The following ATP8A2 variants were observed in gnomAD, a reference collection of about 807,000 sequenced individuals.
ATP8A2 encodes the protein phospholipid-transporting ATPase IB.
A neutral mutation model predicts 165.6 loss-of-function variants in ATP8A2; 100 were observed. The observed-to-expected ratio is 0.60, with a 90% CI of 0.51 to 0.71. ATP8A2 has a LOEUF of 0.71. Among genes scored for constraint, ATP8A2 ranks in the 30% least tolerant of loss-of-function variants. ATP8A2 has a pLI of 0.00. For synonymous variants in ATP8A2, 543 were observed against 548.8 expected, an observed-to-expected ratio of 0.99 and a Z score of 0.15; for missense variants, 1,227 against 1,479.5, an observed-to-expected ratio of 0.83 and a Z score of 2.80.
intron 35 of ATP8A2, among the ~76,000 whole-genome samples, chr13:25,997,611 T>C (rs1385833014): frequency 6.6e-6 from 1 of 152,132 alleles, no homozygotes; most frequent in East Asian, 1.9e-4. Context: ...GCTCTGTTAA[T>C]TTTTATAGTC....
chr13:25,872,658 G>T (rs537659504), intron 33 of ATP8A2, among the ~76,000 whole-genome samples: 1 of 152,132 alleles, frequency 6.6e-6, no homozygotes, highest in Admixed American at 6.5e-5. Context: ...TCTAAGCGAG[G>T]CCTCTTTCTC....
intron 24 of ATP8A2, among the ~76,000 whole-genome samples, chr13:25,601,010 A>G (rs1370989141): frequency 2.0e-5 from 3 of 152,196 alleles, no homozygotes; most frequent in Non-Finnish European, 2.9e-5. Context: ...TTGCAGTGAC[A>G]GGTAGAGTGA....
chr13:25,381,786 G>T (rs2032846714), intron 1 of ATP8A2, among the ~76,000 whole-genome samples: 2 of 152,082 alleles, frequency 1.3e-5, no homozygotes, highest in Admixed American at 1.3e-4. Context: ...AGAGCCCCAG[G>T]GTAGGAGAGC....
intron 28 of ATP8A2, among the ~76,000 whole-genome samples, chr13:25,836,603 C>T (rs1951615727): frequency 6.6e-6 from 1 of 152,162 alleles, no homozygotes. Context: ...CACTGCCCTC[C>T]TCCACTTCTG....
chr13:25,558,493 T>C (rs1482981300), intron 13 of ATP8A2, among the ~76,000 whole-genome samples: 1 of 152,160 alleles, frequency 6.6e-6, no homozygotes, highest in Non-Finnish European at 1.5e-5. Flanking sequence ...ATGTAATCAG[T>C]CCCTCTTCTA....
intron 27 of ATP8A2, among the ~76,000 whole-genome samples, chr13:25,805,795 A>G (rs896288503): frequency 4.6e-5 from 7 of 152,220 alleles, no homozygotes; most frequent in Admixed American, 1.3e-4. Flanking sequence ...CTATAGATCA[A>G]TGTAAGAACT....
At chr13:25,796,626 A>G (rs952904180) in intron 27 of ATP8A2, among the ~76,000 whole-genome samples, 1 of 152,232 alleles carries the variant, frequency 6.6e-6, no homozygotes, top group Admixed American at 6.5e-5. Context: ...CTTCAGCACT[A>G]GCCCAGAGGG....
intron 1 of ATP8A2, among the ~76,000 whole-genome samples, chr13:25,432,818 G>A (rs1465624400): frequency 2.0e-5 from 3 of 152,150 alleles, no homozygotes; most frequent in Non-Finnish European, 4.4e-5. Context: ...CTTTCATGGA[G>A]CCTGGCTGTT....
At chr13:25,867,345 G>A (rs985503722) in intron 33 of ATP8A2, among the ~76,000 whole-genome samples, 41 of 152,264 alleles carry the variant, frequency 2.7e-4, no homozygotes, top group African/African-American at 9.1e-4. Flanking sequence ...TATGTTCCAT[G>A]TGAAATTTGC....
chr13:25,899,021 C>G (rs1034528542), intron 33 of ATP8A2, among the ~76,000 whole-genome samples: 4 of 152,228 alleles, frequency 2.6e-5, no homozygotes, highest in Non-Finnish European at 5.9e-5. Context: ...ACGCATGGTG[C>G]CCTGCACCCA....
At chr13:25,410,044 G>T (rs1439383948) in intron 1 of ATP8A2, among the ~76,000 whole-genome samples, 1 of 150,300 alleles carries the variant, frequency 6.7e-6, no homozygotes, top group East Asian at 2.0e-4. Flanking sequence ...AATGGGTTCA[G>T]CCATTAGGAG....
Position 25,689,419 on chromosome 13 carries a change from G to A in ATP8A2, c.2212-9754G>A, listed in dbSNP as rs538996546. The stretch of plus-strand genomic sequence containing the variant: ...CTTAATGACATAGTTCATTAAAAAC[G>A]CTCTTTGTAAACTTAAGTTGTCTAG... On this transcript the variant is annotated intron_variant, in intron 24 of 36. Transcript: ENST00000381655. Among the ~76,000 whole-genome samples, 4 of 152,090 alleles carry A rather than the reference G, an allele frequency of 2.6e-5. No individual in the cohort carries two copies. In the South Asian group the frequency reaches 8.3e-4, roughly 32 times the overall value.
chr13:26,003,994 T>C (rs1352149161), intron 35 of ATP8A2, among the ~76,000 whole-genome samples: 1 of 152,156 alleles, frequency 6.6e-6, no homozygotes, highest in Non-Finnish European at 1.5e-5. Flanking sequence ...TTGTTTTGGC[T>C]ATTGAGGGTC....
chr13:25,441,129 G>T (rs779559660), intron 1 of ATP8A2, among the ~76,000 whole-genome samples: 1 of 152,066 alleles, frequency 6.6e-6, no homozygotes, highest in Non-Finnish European at 1.5e-5. Context: ...TTGTTTTCAG[G>T]CTATTTATTT....
intron 25 of ATP8A2, among the ~76,000 whole-genome samples, chr13:25,768,766 C>T (rs2044550593): frequency 1.3e-5 from 2 of 152,158 alleles, no homozygotes; most frequent in Admixed American, 1.3e-4. Flanking sequence ...ACACGTACCC[C>T]CGAGGAGTTT....
At chr13:25,786,212 T>C (rs542184256) in intron 27 of ATP8A2, among the ~76,000 whole-genome samples, 2 of 152,284 alleles carry the variant, frequency 1.3e-5, no homozygotes, top group South Asian at 4.1e-4. Flanking sequence ...GTAAATAATC[T>C]CCATTGCGTT....
At chr13:25,630,082 C>CG (rs1462702782) in intron 24 of ATP8A2, among the ~76,000 whole-genome samples, 1 of 122,130 alleles carries the variant, frequency 8.2e-6, no homozygotes, top group African/African-American at 3.2e-5. Flanking sequence ...TTTTTGTCCC[C>CG]CCCCCACCAC....
At chr13:25,829,557 T>C (rs533733108) in intron 28 of ATP8A2, among the ~76,000 whole-genome samples, 48 of 150,280 alleles carry the variant, frequency 3.2e-4, no homozygotes, top group African/African-American at 1.2e-3. Context: ...CTTGAAAGGG[T>C]CAGGTATCAA....
chr13:25,603,855 T>A (rs1027276243), intron 24 of ATP8A2, among the ~76,000 whole-genome samples: 2 of 152,122 alleles, frequency 1.3e-5, no homozygotes, highest in African/African-American at 4.8e-5. Flanking sequence ...ATTTTAAGGT[T>A]GAGATAACTC....
Sources: gnomAD v4.1 joint callset for allele counts (sites outside exome capture counted in the v4.1 genomes callset) on GRCh38, gnomAD v4.1.1 for gene constraint, MANE v1.5 for transcripts, NCBI Gene and HGNC (gene_info 2026-07-23, HGNC 2026-07-21) for gene names.